The following CAMKMT variants were observed in gnomAD, a reference collection of about 807,000 sequenced individuals.
The protein encoded by CAMKMT is calmodulin-lysine N-methyltransferase, also known as CaM KMT.
In CAMKMT, 53 loss-of-function variants were observed where a neutral mutation model predicts 48.0. The observed-to-expected ratio is 1.10, with a 90% CI of 0.89 to 1.39. The LOEUF is 1.39. CAMKMT is among the 40% of genes most tolerant of loss of function. The pLI is 0.00. For synonymous variants in CAMKMT, 165 were observed against 152.3 expected, an observed-to-expected ratio of 1.08 and a Z score of -0.61; for missense variants, 428 against 402.7, an observed-to-expected ratio of 1.06 and a Z score of -0.54.
At chr2:44,700,099 T>C (rs1677178560) in intron 3 of CAMKMT, among the ~76,000 whole-genome samples, 1 of 152,258 alleles carries the variant, frequency 6.6e-6, no homozygotes, top group Admixed American at 6.5e-5. Flanking sequence ...GTTACAGAAA[T>C]GGCTTCTTTA....
chr2:44,394,179 C>T (rs1681606542), intron 3 of CAMKMT, among the ~76,000 whole-genome samples: 1 of 152,040 alleles, frequency 6.6e-6, no homozygotes, highest in African/African-American at 2.4e-5. Flanking sequence ...GCAGTTAAAT[C>T]ATTTCAGTAA....
chr2:44,572,858 A>G (rs767805834), intron 3 of CAMKMT, among the ~76,000 whole-genome samples: 2 of 152,220 alleles, frequency 1.3e-5, no homozygotes, highest in African/African-American at 4.8e-5. Context: ...AGGAACCACC[A>G]TAGTGTTTTC....
intron 3 of CAMKMT, among the ~76,000 whole-genome samples, chr2:44,594,834 C>T (rs1163466859): frequency 2.0e-5 from 3 of 152,136 alleles, no homozygotes; most frequent in African/African-American, 7.2e-5. Context: ...AATGAAAGAG[C>T]TTCTGCACAG....
At chr2:44,770,209 TC>T (rs1681045232) in intron 10 of CAMKMT, among the ~76,000 whole-genome samples, 1 of 152,220 alleles carries the variant, frequency 6.6e-6, no homozygotes, top group Admixed American at 6.5e-5. Flanking sequence ...TTGTGTGTGT[TC>T]AAGTACCCTC....
intron 1 of CAMKMT, 69 bp from the exon 2 acceptor site, chr2:44,372,647 A>C (rs1419216072): frequency 7.0e-7 from 1 of 1,436,092 alleles, no homozygotes; most frequent in African/African-American, 1.4e-5. Context: ...TTAAATTTTG[A>C]ACATTTTGAA....
At chr2:44,490,440 T>C (rs182484071) in intron 3 of CAMKMT, among the ~76,000 whole-genome samples, 4 of 152,166 alleles carry the variant, frequency 2.6e-5, no homozygotes, top group East Asian at 1.9e-4. Flanking sequence ...CACACTCGGC[T>C]AATTTTGTAT....
intron 6 of CAMKMT, among the ~76,000 whole-genome samples, chr2:44,709,409 T>C (rs1302803244): frequency 2.0e-5 from 3 of 152,216 alleles, no homozygotes; most frequent in African/African-American, 7.2e-5. Flanking sequence ...AGTTCCGTTT[T>C]TACCATGCAG....
intron 3 of CAMKMT, among the ~76,000 whole-genome samples, chr2:44,570,548 T>C (rs752369877): frequency 1.3e-5 from 2 of 152,194 alleles, no homozygotes; most frequent in African/African-American, 2.4e-5. Context: ...GAATTCCTTC[T>C]GTGCCGTCAG....
chr2:44,538,336 C>G (rs549277648), intron 3 of CAMKMT, among the ~76,000 whole-genome samples: 281 of 150,578 alleles, frequency 1.9e-3, no homozygotes, highest in Middle Eastern at 0.017. Context: ...CCACTGCACT[C>G]CAGCCTGGGC....
At chr2:44,706,944 G>T (rs1433979512) in intron 5 of CAMKMT, among the ~76,000 whole-genome samples, 1 of 152,012 alleles carries the variant, frequency 6.6e-6, no homozygotes, top group African/African-American at 2.4e-5. Flanking sequence ...TATACAATGT[G>T]TCGAGGTTAC....
At chr2:44,538,298 G>A (rs1666893278) in intron 3 of CAMKMT, among the ~76,000 whole-genome samples, 2 of 151,714 alleles carry the variant, frequency 1.3e-5, no homozygotes, top group African/African-American at 2.4e-5. Flanking sequence ...AACCCGGGAG[G>A]TGGAGGTTGC....
chr2:44,719,543 T>C (rs929103957), intron 7 of CAMKMT, among the ~76,000 whole-genome samples: 1 of 152,228 alleles, frequency 6.6e-6, no homozygotes, highest in Non-Finnish European at 1.5e-5. Flanking sequence ...CTGCTTAATA[T>C]GTTTTTGTAC....
At chr2:44,612,593 A>G (rs886944533) in intron 3 of CAMKMT, among the ~76,000 whole-genome samples, 2 of 152,202 alleles carry the variant, frequency 1.3e-5, no homozygotes, top group African/African-American at 4.8e-5. Context: ...TTGGAAATAC[A>G]GCACAATACT....
intron 3 of CAMKMT, among the ~76,000 whole-genome samples, chr2:44,448,805 A>AT (rs1488016905): frequency 1.3e-5 from 2 of 152,222 alleles, no homozygotes; most frequent in Non-Finnish European, 2.9e-5. Context: ...TCAATGGAAT[A>AT]TTTTTCAGCA....
At chr2:44,373,710 C>G (rs1023150206) in intron 2 of CAMKMT, among the ~76,000 whole-genome samples, 9 of 152,058 alleles carry the variant, frequency 5.9e-5, no homozygotes, top group African/African-American at 1.9e-4. Flanking sequence ...GTTTCTCGAG[C>G]TATTTTAGTT....
intron 2 of CAMKMT, among the ~76,000 whole-genome samples, chr2:44,382,759 G>C (rs952196500): frequency 3.9e-5 from 6 of 152,066 alleles, no homozygotes; most frequent in African/African-American, 9.7e-5. Context: ...GATTACAGGC[G>C]TGAGCCACCA....
chr2:44,560,479 C>A (rs1668264244), intron 3 of CAMKMT, among the ~76,000 whole-genome samples: 1 of 152,052 alleles, frequency 6.6e-6, no homozygotes, highest in Admixed American at 6.6e-5. Flanking sequence ...GCTATATTGC[C>A]CAGGCAGGTC....
chr2:44,691,016 C>G (rs1430533092), intron 3 of CAMKMT, among the ~76,000 whole-genome samples: 1 of 152,048 alleles, frequency 6.6e-6, no homozygotes, highest in East Asian at 1.9e-4. Context: ...CTAGCAAACA[C>G]TAACTGAGCA....
intron 1 of CAMKMT, among the ~76,000 whole-genome samples, chr2:44,363,025 C>A (rs182339547): frequency 6.6e-5 from 10 of 152,300 alleles, no homozygotes; most frequent in Admixed American, 6.5e-4. Flanking sequence ...AGTTTCCCAG[C>A]TATTGCCACT....
Sources: allele counts gnomAD v4.1 joint callset (sites outside exome capture counted in the v4.1 genomes callset), GRCh38; gene constraint gnomAD v4.1.1; transcripts MANE v1.5; gene names NCBI Gene and HGNC (gene_info 2026-07-23, HGNC 2026-07-21).